SCHIP1: variants seen among roughly 807,000 people sequenced by gnomAD.
SCHIP1 encodes schwannomin-interacting protein 1.
SCHIP1 carries 8 observed loss-of-function variants against 29.7 expected under a neutral mutation model. That is an observed-to-expected ratio of 0.27 (90% CI 0.16 to 0.49). The LOEUF is 0.49. SCHIP1 is among the 20% of genes least tolerant of loss of function. SCHIP1 has a pLI of 0.99. For synonymous variants in SCHIP1, 76 were observed against 94.9 expected (o/e 0.80, Z 1.16); for missense variants, 193 against 294.6 (o/e 0.66, Z 2.52).
chr3:159,495,065 G>A, the SCHIP1 span, among the ~76,000 whole-genome samples: 1 of 152,176 alleles, frequency 6.6e-6, no homozygotes, highest in Admixed American at 6.5e-5. Context: ...AGCCCTTCAT[G>A]CTAAAAACTC....
At chr3:159,853,550 C>T in intron 1 of SCHIP1, 1 of 557,740 alleles carries the variant, frequency 1.8e-6, no homozygotes, top group Non-Finnish European at 3.2e-6. Context: ...ATTCCACACT[C>T]AGTGGCTATT....
chr3:159,349,572 A>G, the SCHIP1 span, among the ~76,000 whole-genome samples: 1 of 152,196 alleles, frequency 6.6e-6, no homozygotes. Flanking sequence ...AGGTTCAGAA[A>G]ATATAAGGTG....
At chr3:159,530,069 A>T in the SCHIP1 span, among the ~76,000 whole-genome samples, 1 of 152,192 alleles carries the variant, frequency 6.6e-6, no homozygotes, top group Admixed American at 6.5e-5. Context: ...GGTAATGCAG[A>T]TACTTCTTCA....
chr3:159,376,328 T>A, the SCHIP1 span, among the ~76,000 whole-genome samples: 1 of 152,166 alleles, frequency 6.6e-6, no homozygotes, highest in Non-Finnish European at 1.5e-5. Context: ...TGTAAATAAA[T>A]CATGTTTCTG....
chr3:159,349,485 A>G, the SCHIP1 span, among the ~76,000 whole-genome samples: 3 of 152,220 alleles, frequency 2.0e-5, no homozygotes, highest in African/African-American at 7.2e-5. Flanking sequence ...AGTGGTAGCA[A>G]TGATGCCAAT....
At chr3:159,874,064 T>G (rs543062558) in intron 2 of SCHIP1, among the ~76,000 whole-genome samples, 41 of 152,344 alleles carry the variant, frequency 2.7e-4, no homozygotes, top group African/African-American at 9.9e-4. Context: ...AATCTTTTAT[T>G]TTTTAAACAT....
chr3:159,368,968 T>A, the SCHIP1 span, among the ~76,000 whole-genome samples: 1 of 152,236 alleles, frequency 6.6e-6, no homozygotes. Context: ...ATTCTGCAGC[T>A]GATTAAATCC....
chr3:159,512,941 T>C, the SCHIP1 span, among the ~76,000 whole-genome samples: 6 of 152,208 alleles, frequency 3.9e-5, no homozygotes, highest in Non-Finnish European at 7.3e-5. Context: ...AGCGAGAACA[T>C]GTGATGCTTA....
the SCHIP1 span, among the ~76,000 whole-genome samples, chr3:159,642,545 A>G: frequency 6.6e-6 from 1 of 152,166 alleles, no homozygotes; most frequent in Non-Finnish European, 1.5e-5. Flanking sequence ...TATTCATTCC[A>G]TGAACAAACA....
At chr3:159,865,640 G>A (rs1318641293) in intron 1 of SCHIP1, among the ~76,000 whole-genome samples, 1 of 152,222 alleles carries the variant, frequency 6.6e-6, no homozygotes. Context: ...TGCTATGTCT[G>A]TCTTGTCCTG....
upstream of SCHIP1, among the ~76,000 whole-genome samples, chr3:159,837,107 A>C (rs2108993332): frequency 6.6e-6 from 1 of 151,456 alleles, no homozygotes; most frequent in Admixed American, 6.6e-5. Flanking sequence ...AATCATGTTT[A>C]GACTTTTTTT....
At chr3:159,665,546 TTGTGTGTG>T in the SCHIP1 span, among the ~76,000 whole-genome samples, 2 of 147,564 alleles carry the variant, frequency 1.4e-5, no homozygotes, top group African/African-American at 2.5e-5. Context: ...GTTTTTGGGG[TTGTGTGTG>T]TGTGTGTGTG....
chr3:159,662,678 T>C, the SCHIP1 span, among the ~76,000 whole-genome samples: 2 of 152,146 alleles, frequency 1.3e-5, no homozygotes, highest in African/African-American at 2.4e-5. Context: ...GGGTATATAA[T>C]CAAAATTCCT....
At chr3:159,275,680 T>G in the SCHIP1 span, among the ~76,000 whole-genome samples, 1 of 152,304 alleles carries the variant, frequency 6.6e-6, no homozygotes, top group South Asian at 2.1e-4. Flanking sequence ...TATGTATTTA[T>G]TTAAGCAGAA....
At chr3:159,602,316 G>A in the SCHIP1 span, among the ~76,000 whole-genome samples, 1 of 152,160 alleles carries the variant, frequency 6.6e-6, no homozygotes. Flanking sequence ...AGGTGTGATA[G>A]TCTGTAATTT....
At chr3:159,506,734 C>T in the SCHIP1 span, among the ~76,000 whole-genome samples, 3 of 152,286 alleles carry the variant, frequency 2.0e-5, no homozygotes, top group Non-Finnish European at 4.4e-5. Context: ...ATCCTCTCCC[C>T]ATTTCTTGTT....
the SCHIP1 span, among the ~76,000 whole-genome samples, chr3:159,682,190 G>T: frequency 6.6e-6 from 1 of 152,146 alleles, no homozygotes; most frequent in Non-Finnish European, 1.5e-5. Context: ...TCCCCCAAAT[G>T]AGATAACATA....
At chr3:159,808,047 A>G in the SCHIP1 span, among the ~76,000 whole-genome samples, 1 of 152,264 alleles carries the variant, frequency 6.6e-6, no homozygotes. Flanking sequence ...AAATAAAAAT[A>G]CAAACAACAA....
the SCHIP1 span, among the ~76,000 whole-genome samples, chr3:159,731,794 G>C: frequency 6.6e-6 from 1 of 152,132 alleles, no homozygotes; most frequent in African/African-American, 2.4e-5. Context: ...TTTTGTAAGA[G>C]AATAAGTCCC....
Sources: allele counts gnomAD v4.1 joint callset (sites outside exome capture counted in the v4.1 genomes callset), GRCh38; gene constraint gnomAD v4.1.1; transcripts MANE v1.5; gene names NCBI Gene and HGNC (gene_info 2026-07-23, HGNC 2026-07-21).